The following ZNF232 variants were observed in gnomAD, a reference collection of about 807,000 sequenced individuals.
ZNF232 encodes the protein zinc finger and SCAN domain-containing protein 11.
A neutral mutation model predicts 25.2 loss-of-function variants in ZNF232; 25 were observed. The ratio of observed to expected loss-of-function variants is 0.99; its 90% CI spans 0.72 to 1.39. The LOEUF (loss-of-function observed/expected upper bound fraction) is 1.39. Among genes scored for constraint, ZNF232 ranks in the 40% most tolerant of loss-of-function variants. The probability of loss-of-function intolerance (pLI) is 0.00; values close to 1 mark genes in which losing one functional copy is unlikely to be tolerated. For synonymous variants in ZNF232, 193 were observed against 182.9 expected, an observed-to-expected ratio of 1.06 and a Z score of -0.45; for missense variants, 519 against 520.9, an observed-to-expected ratio of 1.00 and a Z score of 0.04.
At chr17:5,118,918 C>T (rs1357062052) in intron 1 of ZNF232, among the ~76,000 whole-genome samples, 2 of 152,136 alleles carry the variant, frequency 1.3e-5, no homozygotes, top group East Asian at 1.9e-4. Flanking sequence ...GAAAAGGCAA[C>T]ATTTGATTGG....
At chr17:5,107,394 G>GAAAAAAAAA (rs749338515) in intron 3 of ZNF232, among the ~76,000 whole-genome samples, 3 of 60,678 alleles carry the variant, frequency 4.9e-5, no homozygotes, top group African/African-American at 1.2e-4. Flanking sequence ...TCTCAAAAAG[G>GAAAAAAAAA]AAAAAAAAAA....
At position 5,110,171 on chromosome 17, in the gene ZNF232, C is replaced by T. The variant is rs532251785; in HGVS notation, c.24-303G>A. 6.6e-5 allele frequency among the ~76,000 whole-genome samples: 10 copies of T among 151,264 alleles called. No individual in the cohort carries two copies. In the East Asian group the frequency reaches 1.9e-3, roughly 29 times the overall value. ...CCTCCCAAAGTGGTAGGATTACAGG[C>T]ATGAGCCACCGCGCCCGTCCTCCTC... On this transcript the variant is annotated intron_variant, in intron 1 of 3. Transcript: ENST00000575898.
At chr17:5,115,933 G>C (rs1368429829), upstream of ZNF232, among the ~76,000 whole-genome samples, 1 of 152,232 alleles carries the variant, frequency 6.6e-6, no homozygotes, top group Non-Finnish European at 1.5e-5. Flanking sequence ...GGCTGGGATA[G>C]CGCCGGGGGA....
intron 1 of ZNF232, among the ~76,000 whole-genome samples, chr17:5,110,842 T>C (rs138042341): frequency 6.0e-4 from 92 of 152,246 alleles, no homozygotes; most frequent in African/African-American, 2.1e-3. Context: ...GATCCGTGGC[T>C]CGCACTTTTA....
At chr17:5,109,315 C>T in intron 2 of ZNF232, 79 bp downstream of exon 2, 1 of 1,556,170 alleles carries the variant, frequency 6.4e-7, no homozygotes, top group Non-Finnish European at 8.9e-7. Context: ...AACTTGGCAC[C>T]TCCCCCTACA....
At chr17:5,122,146 GGGGT>G (rs1295527636) in intron 1 of ZNF232, among the ~76,000 whole-genome samples, 1 of 151,988 alleles carries the variant, frequency 6.6e-6, no homozygotes, top group Non-Finnish European at 1.5e-5. Context: ...GTGGGTCGGT[GGGGT>G]GGCAGGGGAA....
At chr17:5,112,148 G>T (rs1301568496), upstream of ZNF232, 2 of 455,160 alleles carry the variant, frequency 4.4e-6, no homozygotes, top group African/African-American at 4.1e-5. Flanking sequence ...AAGTTTGGGG[G>T]GTCTCTTGTG....
At chr17:5,120,508 T>A in intron 1 of ZNF232, 1 of 334,480 alleles carries the variant, frequency 3.0e-6, no homozygotes, top group Non-Finnish European at 5.8e-6. Flanking sequence ...TTGGCCTATC[T>A]GTGTCTGTCT....
chr17:5,111,816 G>T, exon 1 of ZNF232: 1 of 1,613,872 alleles, frequency 6.2e-7, no homozygotes. Context: ...GGACCAGGAG[G>T]TTCCATCGGG....
At chr17:5,119,468 A>G (rs1270605826) in intron 1 of ZNF232, among the ~76,000 whole-genome samples, 1 of 152,240 alleles carries the variant, frequency 6.6e-6, no homozygotes, top group African/African-American at 2.4e-5. Context: ...AGGTCAGCTC[A>G]GGGAATGCAG....
At chr17:5,106,450 T>C (rs1296428291) in exon 4 of ZNF232, 4 of 1,614,228 alleles carry the variant, frequency 2.5e-6, no homozygotes, top group Non-Finnish European at 2.5e-6. Context: ...ACTTCAGTAA[T>C]GGGTGGTTGT....
At chr17:5,111,579 C>G in intron 1 of ZNF232, 1 of 654,556 alleles carries the variant, frequency 1.5e-6, no homozygotes, top group South Asian at 2.0e-5. Flanking sequence ...CCAAGGGTCT[C>G]GAGAAAAGAG....
At chr17:5,116,896 C>T (rs915233638) in intron 1 of ZNF232, among the ~76,000 whole-genome samples, 1 of 152,166 alleles carries the variant, frequency 6.6e-6, no homozygotes, top group Non-Finnish European at 1.5e-5. Flanking sequence ...AGTGATGGAG[C>T]TAGGTACGGA....
chr17:5,112,452 T>A (rs1421222523), upstream of ZNF232: 2 of 152,008 alleles, frequency 1.3e-5, no homozygotes, highest in East Asian at 3.9e-4. Context: ...TGTTATTTTT[T>A]ATTTTATTTA....
intron 1 of ZNF232, among the ~76,000 whole-genome samples, chr17:5,121,147 GTGCC>G (rs1439159626): frequency 2.0e-5 from 3 of 152,198 alleles, no homozygotes; most frequent in Non-Finnish European, 4.4e-5. Context: ...ATAACACCCA[GTGCC>G]TGTCTTTGAG....
intron 1 of ZNF232, among the ~76,000 whole-genome samples, chr17:5,122,537 G>A (rs1486946728): frequency 2.0e-5 from 3 of 152,216 alleles, no homozygotes; most frequent in African/African-American, 4.8e-5. Context: ...CTTGGCCCGC[G>A]TGCCACCCGG....
exon 4 of ZNF232, chr17:5,106,482 G>A (rs2072264089): frequency 2.5e-6 from 4 of 1,613,764 alleles, no homozygotes; most frequent in Non-Finnish European, 8.5e-7. Context: ...TTTGTCCTTG[G>A]GCTCTGGGCC....
upstream of ZNF232, among the ~76,000 whole-genome samples, chr17:5,112,884 G>T (rs2072452229): frequency 6.6e-6 from 1 of 151,894 alleles, no homozygotes; most frequent in Non-Finnish European, 1.5e-5. Context: ...GTTTGAACCC[G>T]GGAGGCAGAG....
At chr17:5,107,082 C>T (rs2072276900) in intron 3 of ZNF232, among the ~76,000 whole-genome samples, 1 of 151,602 alleles carries the variant, frequency 6.6e-6, no homozygotes, top group African/African-American at 2.4e-5. Context: ...CCTTTCTCTT[C>T]CTTAAAAAGG....
Sources: allele counts gnomAD v4.1 joint callset (sites outside exome capture counted in the v4.1 genomes callset), GRCh38; gene constraint gnomAD v4.1.1; transcripts MANE v1.5; gene names NCBI Gene and HGNC (gene_info 2026-07-23, HGNC 2026-07-21).